RAPGEF5: variants seen among roughly 807,000 people sequenced by gnomAD.
RAPGEF5 encodes the protein M-Ras-regulated GEF.
RAPGEF5 carries 65 observed loss-of-function variants against 125.2 expected under a neutral mutation model. The observed-to-expected ratio is 0.52, with a 90% confidence interval of 0.43 to 0.64. The LOEUF is 0.64. RAPGEF5 is among the 30% of genes least tolerant of loss of function. The pLI, the probability that RAPGEF5 is intolerant of heterozygous loss-of-function variation, is 0.00. For missense variants in RAPGEF5, 958 were observed against 1,048.1 expected (o/e 0.91, Z 1.19); for synonymous variants, 391 against 385.9 (o/e 1.01, Z -0.16).
At chr7:22,282,550 T>C (rs1318907969) in intron 6 of RAPGEF5, among the ~76,000 whole-genome samples, 2 of 152,208 alleles carry the variant, frequency 1.3e-5, no homozygotes, top group Non-Finnish European at 1.5e-5. Context: ...TCAACCCACA[T>C]AGATATTATT....
At chr7:22,132,646 A>C (rs1251535103) in intron 23 of RAPGEF5, among the ~76,000 whole-genome samples, 3 of 152,210 alleles carry the variant, frequency 2.0e-5, no homozygotes, top group Non-Finnish European at 2.9e-5. Context: ...TAACTCTCCA[A>C]GAATTCCAGA....
chr7:22,148,194 C>G (rs1737403670), intron 18 of RAPGEF5, among the ~76,000 whole-genome samples: 1 of 152,192 alleles, frequency 6.6e-6, no homozygotes, highest in Admixed American at 6.5e-5. Flanking sequence ...TAAGACCAGA[C>G]AGGCTCTACT....
chr7:22,195,853 T>C (rs907061069), intron 9 of RAPGEF5, among the ~76,000 whole-genome samples: 3 of 152,260 alleles, frequency 2.0e-5, no homozygotes, highest in African/African-American at 7.2e-5. Flanking sequence ...CCTGGTTTCC[T>C]TTAATCATGC....
intron 8 of RAPGEF5, among the ~76,000 whole-genome samples, chr7:22,226,853 A>G (rs1447996945): frequency 1.3e-5 from 2 of 152,202 alleles, no homozygotes; most frequent in Admixed American, 6.5e-5. Flanking sequence ...GACCCATACT[A>G]TAGAAATACT....
intron 6 of RAPGEF5, among the ~76,000 whole-genome samples, chr7:22,283,590 A>ACTTTG (rs2128145354): frequency 6.6e-6 from 1 of 152,202 alleles, no homozygotes; most frequent in East Asian, 1.9e-4. Flanking sequence ...CATCCTTTTA[A>ACTTTG]AGCTCCGTCG....
At chr7:22,354,361 A>G (rs1173916861) in intron 1 of RAPGEF5, among the ~76,000 whole-genome samples, 1 of 152,214 alleles carries the variant, frequency 6.6e-6, no homozygotes, top group Non-Finnish European at 1.5e-5. Context: ...GTCTGGAGGT[A>G]TGGCCCATGA....
rs927342628 is a variant in RAPGEF5, at chr7:22,126,877, C to T, written c.2482-1219G>A. Among the ~76,000 whole-genome samples, 10 of 152,218 alleles carry T rather than the reference C, an allele frequency of 6.6e-5. No individual in the cohort carries two copies. The Middle Eastern group carries it at 0.01, about 155-fold the overall frequency. ...ACCTCAGATAATCCAACCAAATTGGCCTCCCAGAATGCTGAGATTATAGGT... is the reference window on the plus strand; with the variant it reads ...ACCTCAGATAATCCAACCAAATTGGTCTCCCAGAATGCTGAGATTATAGGT... On this transcript the variant is annotated intron_variant, in intron 24 of 25. Transcript: ENST00000665637.
intron 9 of RAPGEF5, among the ~76,000 whole-genome samples, chr7:22,202,614 C>T (rs972027784): frequency 1.3e-5 from 2 of 152,128 alleles, no homozygotes; most frequent in Non-Finnish European, 2.9e-5. Flanking sequence ...TACCAAGAAC[C>T]CTTCCACCAA....
intron 7 of RAPGEF5, among the ~76,000 whole-genome samples, chr7:22,252,703 C>T (rs568410408): frequency 9.9e-4 from 150 of 152,196 alleles, no homozygotes; most frequent in Non-Finnish European, 1.7e-3. Flanking sequence ...TTTATCATTT[C>T]GACTTAATAG....
At chr7:22,145,243 G>A in intron 19 of RAPGEF5, 21 bp from the exon 20 acceptor site, 1 of 1,592,168 alleles carries the variant, frequency 6.3e-7, no homozygotes, top group African/African-American at 1.3e-5. Flanking sequence ...ATGTATTCAT[G>A]CCAGGGTTTA....
chr7:22,338,557 G>A (rs544729162), intron 1 of RAPGEF5, among the ~76,000 whole-genome samples: 6 of 152,266 alleles, frequency 3.9e-5, no homozygotes, highest in African/African-American at 1.2e-4. Flanking sequence ...TATTCTCAAC[G>A]TCTAATGGCT....
chr7:22,247,150 C>T (rs1286330080), intron 7 of RAPGEF5, among the ~76,000 whole-genome samples: 1 of 152,198 alleles, frequency 6.6e-6, no homozygotes, highest in South Asian at 2.1e-4. Flanking sequence ...TTAGTTCAGC[C>T]ACTGTGGAAA....
At chr7:22,209,007 G>A (rs928304604) in intron 9 of RAPGEF5, among the ~76,000 whole-genome samples, 30 of 152,320 alleles carry the variant, frequency 2.0e-4, no homozygotes, top group African/African-American at 7.2e-4. Context: ...GGTGAATTTT[G>A]TCAGGTCTGT....
chr7:22,206,687 A>AG (rs1489956908), intron 9 of RAPGEF5, among the ~76,000 whole-genome samples: 2 of 148,628 alleles, frequency 1.3e-5, no homozygotes, highest in African/African-American at 4.9e-5. Context: ...CCATGTCACA[A>AG]GAAAAAAAAA....
intron 11 of RAPGEF5, among the ~76,000 whole-genome samples, chr7:22,172,198 C>T (rs1784371033): frequency 1.3e-5 from 2 of 152,096 alleles, no homozygotes; most frequent in Non-Finnish European, 2.9e-5. Flanking sequence ...TCTCAGCTCA[C>T]TGCAATCTCC....
intron 5 of RAPGEF5, among the ~76,000 whole-genome samples, chr7:22,304,922 G>A (rs143798773): frequency 2.3e-4 from 35 of 152,246 alleles, no homozygotes; most frequent in African/African-American, 7.9e-4. Flanking sequence ...CTTTACTATT[G>A]CAAGGCCCTT....
chr7:22,233,266 A>C (rs910111887), intron 7 of RAPGEF5, among the ~76,000 whole-genome samples: 1 of 152,236 alleles, frequency 6.6e-6, no homozygotes, highest in Non-Finnish European at 1.5e-5. Flanking sequence ...TTGGAGGGCA[A>C]GCTGATCATA....
intron 5 of RAPGEF5, among the ~76,000 whole-genome samples, chr7:22,297,618 A>G (rs1783091889): frequency 6.6e-6 from 1 of 152,266 alleles, no homozygotes; most frequent in African/African-American, 2.4e-5. Context: ...AAAATCTGAC[A>G]GAACAAGACG....
chr7:22,147,042 A>G (rs932111284), intron 18 of RAPGEF5, 23 bp from the exon 19 acceptor site: 1 of 1,608,766 alleles, frequency 6.2e-7, no homozygotes, highest in African/African-American at 1.3e-5. Flanking sequence ...AAGCAAAAAG[A>G]TCCTCAGTAA....
Sources: allele counts gnomAD v4.1 joint callset (sites outside exome capture counted in the v4.1 genomes callset), GRCh38; gene constraint gnomAD v4.1.1; transcripts MANE v1.5; gene names NCBI Gene and HGNC (gene_info 2026-07-23, HGNC 2026-07-21).